The following ELF1 variants were observed in gnomAD, a reference collection of about 807,000 sequenced individuals.
The protein encoded by ELF1 is E74 like ETS transcription factor 1.
ELF1 carries 24 observed loss-of-function variants against 59.9 expected under a neutral mutation model. The observed-to-expected ratio is 0.40, with a 90% CI of 0.29 to 0.56. The LOEUF (loss-of-function observed/expected upper bound fraction) is 0.56. Ranked by LOEUF, ELF1 falls within the 20% of genes least tolerant of loss-of-function variation. The pLI, the probability that ELF1 is intolerant of heterozygous loss-of-function variation, is 0.44. For synonymous variants in ELF1, 248 were observed against 266.2 expected, an observed-to-expected ratio of 0.93 and a Z score of 0.67; for missense variants, 627 against 742.2, an observed-to-expected ratio of 0.84 and a Z score of 1.80.
chr13:41,041,068 G>C (rs1442119907), intron 1 of ELF1, among the ~76,000 whole-genome samples: 1 of 152,118 alleles, frequency 6.6e-6, no homozygotes, highest in Non-Finnish European at 1.5e-5. Flanking sequence ...AGCCAGTCAT[G>C]TAAAGAGGCT....
intron 5 of ELF1, among the ~76,000 whole-genome samples, chr13:40,944,543 T>C (rs988564138): frequency 6.6e-6 from 1 of 152,166 alleles, no homozygotes; most frequent in Non-Finnish European, 1.5e-5. Flanking sequence ...CACAACAAAC[T>C]TCATAGTTAC....
In ELF1 at chr13:40,951,007, A is replaced by G. The variant is rs139876082; in HGVS notation, c.361+322T>C. The stretch of plus-strand genomic sequence containing the variant: ...TTGTTGCCTATTTGCTGATAACTAC[A>G]GAGATGACTAAATTATAATCATTTG... On this transcript the variant is annotated intron_variant, in intron 4 of 8. Transcript: ENST00000239882. Among the ~76,000 whole-genome samples the G allele has an allele frequency of 3.5e-3, 537 of 152,358 alleles. 6 individuals carry two copies. The highest frequency in any genetic ancestry group is 0.012 in the African/African-American group (499 of 41,580).
At chr13:41,007,013 C>T (rs1022660957) in intron 1 of ELF1, among the ~76,000 whole-genome samples, 2 of 151,894 alleles carry the variant, frequency 1.3e-5, no homozygotes, top group Non-Finnish European at 2.9e-5. Flanking sequence ...AACATCAAAC[C>T]CTCCTTAGAA....
intron 1 of ELF1, among the ~76,000 whole-genome samples, chr13:41,043,342 C>T (rs1433360817): frequency 2.0e-5 from 3 of 152,242 alleles, no homozygotes; most frequent in African/African-American, 7.2e-5. Flanking sequence ...GCTTTTGTTG[C>T]CATTGCTTTT....
chr13:40,937,567 T>G (rs1269764612), intron 8 of ELF1, among the ~76,000 whole-genome samples: 1 of 151,740 alleles, frequency 6.6e-6, no homozygotes, highest in Non-Finnish European at 1.5e-5. Context: ...CCTCCCAGGT[T>G]CAAGCGATTC....
upstream of ELF1, among the ~76,000 whole-genome samples, chr13:41,022,490 T>A (rs1293226683): frequency 6.6e-6 from 1 of 152,322 alleles, no homozygotes; most frequent in South Asian, 2.1e-4. Flanking sequence ...TACCGGTATA[T>A]GACTTATGTA....
intron 2 of ELF1, among the ~76,000 whole-genome samples, chr13:40,979,490 C>T (rs537914123): frequency 2.6e-5 from 4 of 152,256 alleles, no homozygotes; most frequent in African/African-American, 9.6e-5. Context: ...TCTTAACCAC[C>T]GCTACTACTA....
intron 1 of ELF1, among the ~76,000 whole-genome samples, chr13:41,024,699 G>C (rs1875824931): frequency 6.6e-6 from 1 of 152,016 alleles, no homozygotes; most frequent in South Asian, 2.1e-4. Flanking sequence ...TTTCTATGTA[G>C]CCCTAGCATC....
intron 1 of ELF1, among the ~76,000 whole-genome samples, chr13:40,991,164 C>T (rs1305051826): frequency 6.6e-6 from 1 of 152,150 alleles, no homozygotes; most frequent in Non-Finnish European, 1.5e-5. Flanking sequence ...AACAAGGAAG[C>T]TTTCAGAACT....
chr13:41,035,803 C>G (rs1170739251), intron 1 of ELF1, among the ~76,000 whole-genome samples: 1 of 150,670 alleles, frequency 6.6e-6, no homozygotes, highest in East Asian at 1.9e-4. Context: ...GTCTTCTGTC[C>G]CTTTCAGGCC....
At chr13:40,943,760 G>T in intron 6 of ELF1, 82 bp downstream of exon 6, 1 of 1,179,096 alleles carries the variant, frequency 8.5e-7, no homozygotes, top group Non-Finnish European at 1.2e-6. Context: ...TATCAAGAAA[G>T]CTGGTGGTTT....
intron 1 of ELF1, among the ~76,000 whole-genome samples, chr13:41,048,730 T>C (rs1316672088): frequency 1.3e-5 from 2 of 151,748 alleles, no homozygotes; most frequent in Non-Finnish European, 2.9e-5. Context: ...TTTTTTTAAT[T>C]CAAGTTTTTC....
intron 2 of ELF1, among the ~76,000 whole-genome samples, chr13:40,974,011 T>C (rs576719515): frequency 6.6e-6 from 1 of 152,256 alleles, no homozygotes; most frequent in South Asian, 2.1e-4. Flanking sequence ...TCCCAGGAGC[T>C]AGGAAGAGTG....
upstream of ELF1, among the ~76,000 whole-genome samples, chr13:41,022,888 C>T (rs912672920): frequency 2.0e-5 from 3 of 151,956 alleles, no homozygotes; most frequent in African/African-American, 7.3e-5. Context: ...CAGACCTCCA[C>T]ATTTTGTAAC....
At chr13:41,061,262 G>A (rs1877608023) in exon 1 of ELF1, 3 of 278,702 alleles carry the variant, frequency 1.1e-5, no homozygotes, top group Non-Finnish European at 1.4e-5. Flanking sequence ...TTGGCCTTGA[G>A]CCAGCGAGCC....
intron 1 of ELF1, among the ~76,000 whole-genome samples, chr13:40,999,676 C>T (rs1479104538): frequency 6.6e-6 from 1 of 152,172 alleles, no homozygotes; most frequent in African/African-American, 2.4e-5. Flanking sequence ...TTTAAAAAGA[C>T]ATTCCACAGC....
chr13:40,941,596 G>A (rs1238035351), intron 7 of ELF1, among the ~76,000 whole-genome samples: 1 of 152,146 alleles, frequency 6.6e-6, no homozygotes, highest in African/African-American at 2.4e-5. Context: ...CTGATTGGGG[G>A]ACTGTTGATA....
At chr13:41,039,180 G>A (rs1399105969) in intron 1 of ELF1, among the ~76,000 whole-genome samples, 3 of 151,822 alleles carry the variant, frequency 2.0e-5, no homozygotes, top group Admixed American at 6.6e-5. Flanking sequence ...TAGGTGGATC[G>A]CTTGAGCCCA....
At chr13:41,052,622 G>C (rs991389976) in intron 1 of ELF1, among the ~76,000 whole-genome samples, 1 of 151,826 alleles carries the variant, frequency 6.6e-6, no homozygotes, top group Non-Finnish European at 1.5e-5. Context: ...AAGCCAAGGC[G>C]GGAAGATCAC....
Sources: gnomAD v4.1 joint callset for allele counts (sites outside exome capture counted in the v4.1 genomes callset) on GRCh38, gnomAD v4.1.1 for gene constraint, MANE v1.5 for transcripts, NCBI Gene and HGNC (gene_info 2026-07-23, HGNC 2026-07-21) for gene names.